The following IL16 variants were observed in gnomAD, a reference collection of about 807,000 sequenced individuals.
IL16 encodes pro-interleukin-16.
Under a neutral mutation model 110.1 loss-of-function variants are expected in IL16, and 67 were observed. The observed-to-expected ratio is 0.61, with a 90% confidence interval of 0.50 to 0.75. The LOEUF (loss-of-function observed/expected upper bound fraction) is 0.75. IL16 is among the 30% of genes least tolerant of loss of function. The probability of loss-of-function intolerance (pLI) is 0.00; values close to 1 mark genes in which losing one functional copy is unlikely to be tolerated. For missense variants in IL16, 1,545 were observed against 1,655.0 expected, an observed-to-expected ratio of 0.93 and a Z score of 1.15; for synonymous variants, 689 against 662.9, an observed-to-expected ratio of 1.04 and a Z score of -0.61.
chr15:81,216,334 A>C (rs1338211221), intron 1 of IL16, among the ~76,000 whole-genome samples: 1 of 152,156 alleles, frequency 6.6e-6, no homozygotes, highest in Admixed American at 6.5e-5. Flanking sequence ...AGAGTGAGGC[A>C]TCCTTCAGTT....
chr15:81,187,129 C>G (rs189207784), intron 1 of IL16, among the ~76,000 whole-genome samples: 179 of 152,284 alleles, frequency 1.2e-3, no homozygotes, highest in African/African-American at 3.9e-3. Flanking sequence ...CACTGGCGAA[C>G]CTTCCAGGGT....
At chr15:81,206,801 T>C (rs540085582) in intron 1 of IL16, among the ~76,000 whole-genome samples, 24 of 152,260 alleles carry the variant, frequency 1.6e-4, no homozygotes, top group African/African-American at 5.5e-4. Context: ...ATTTAGAATA[T>C]TGTATTTCAC....
chr15:81,302,939 C>A (rs1567046847), intron 15 of IL16, among the ~76,000 whole-genome samples: 1 of 152,130 alleles, frequency 6.6e-6, no homozygotes. Context: ...GACCCCTGCT[C>A]TAGACTGGAA....
intron 1 of IL16, among the ~76,000 whole-genome samples, chr15:81,222,391 T>TAA (rs550651858): frequency 2.0e-5 from 3 of 149,062 alleles, no homozygotes; most frequent in Admixed American, 1.3e-4. Flanking sequence ...TTTTTTTTTT[T>TAA]AAGCAAAAAG....
intron 2 of IL16, among the ~76,000 whole-genome samples, chr15:81,250,000 T>A (rs1368038391): frequency 6.6e-6 from 1 of 152,228 alleles, no homozygotes; most frequent in Non-Finnish European, 1.5e-5. Flanking sequence ...GTGCTTCTTT[T>A]TCAAGTTGGC....
Position 81,309,718 on chromosome 15 carries a change from CAGAA to C in IL16, c.*921_*924del, listed in dbSNP as rs1900755442. ...CTCAAAGCGTGGACAGGTGTGCCGACAGAAGGAACCAGCGTGTATATGAGGGTAT... is the reference window on the plus strand; with the variant it reads ...CTCAAAGCGTGGACAGGTGTGCCGACGGAACCAGCGTGTATATGAGGGTAT... On this transcript the variant is annotated 3_prime_UTR_variant, in exon 19 of 19. Transcript: ENST00000683961. The C allele has an allele frequency of 1.3e-5, 2 of 152,318 alleles. No individual in the cohort carries two copies. The highest frequency in any genetic ancestry group is 4.8e-5 in the African/African-American group (2 of 41,558). The allele number at this position is 152,318 out of a possible 1,614,324, so 9.4% of individuals were successfully genotyped here.
intron 5 of IL16, among the ~76,000 whole-genome samples, chr15:81,271,564 G>A (rs751566272): frequency 3.3e-5 from 5 of 152,154 alleles, no homozygotes; most frequent in Non-Finnish European, 7.4e-5. Flanking sequence ...CTTGGTTAGT[G>A]AGGAGCCGAA....
intron 2 of IL16, among the ~76,000 whole-genome samples, chr15:81,243,485 A>C (rs1481763567): frequency 6.6e-6 from 1 of 151,948 alleles, no homozygotes; most frequent in Non-Finnish European, 1.5e-5. Flanking sequence ...ATGTCTGGCC[A>C]TGCATCTATA....
At chr15:81,199,699 A>G (rs1325418471) in intron 1 of IL16, among the ~76,000 whole-genome samples, 1 of 152,196 alleles carries the variant, frequency 6.6e-6, no homozygotes, top group Non-Finnish European at 1.5e-5. Flanking sequence ...GGCTCCCCTG[A>G]GAACTTGGAT....
chr15:81,236,007 A>T (rs1318600435), intron 2 of IL16, among the ~76,000 whole-genome samples: 1 of 152,222 alleles, frequency 6.6e-6, no homozygotes, highest in Non-Finnish European at 1.5e-5. Context: ...TGCCCTCCTA[A>T]AAAGATGTGA....
rs537866391 is a variant in IL16, at chr15:81,279,604, C to T, written c.911C>T (p.Thr304Met). 3.0e-5 allele frequency: 48 copies of T among 1,613,998 alleles called. No individual in the cohort carries two copies. In the African/African-American group the frequency reaches 3.2e-4, roughly 11 times the overall value. The part of the protein sequence containing the change: ...LLTLTVRTRL[T>M]APPSLCSHLS... ...ACCCTCACCGTGAGAACCCGCCTGA[C>T]GGCGCCTCCTTCCCTGTGCAGCCAC... Residue 304 changes from threonine to methionine, a missense_variant, in exon 8 of 19, where the codon ACG (threonine) becomes ATG (methionine). Around this residue, in one of 3 missense-constraint regions of IL16, gnomAD observed 1,185 missense variants for 1,238.8 expected, o/e 0.96. Coordinates refer to ENST00000683961, the MANE Select transcript of IL16 (RefSeq NM_172217.5).
intron 3 of IL16, among the ~76,000 whole-genome samples, chr15:81,265,166 C>T (rs1452389303): frequency 6.6e-6 from 1 of 152,136 alleles, no homozygotes; most frequent in African/African-American, 2.4e-5. Flanking sequence ...GAGTTGTCTC[C>T]GTGTGTGTGT....
At chr15:81,199,034 TA>T (rs1321941098) in intron 1 of IL16, among the ~76,000 whole-genome samples, 1,789 of 123,908 alleles carry the variant, frequency 0.014, 48 homozygotes, top group African/African-American at 0.052. Flanking sequence ...AAAAAAAATA[TA>T]TATATATATA....
upstream of IL16, among the ~76,000 whole-genome samples, chr15:81,196,041 CAG>C (rs1396834096): frequency 6.6e-6 from 1 of 152,164 alleles, no homozygotes; most frequent in Non-Finnish European, 1.5e-5. Flanking sequence ...TTTGTGAAAA[CAG>C]AGTGCCAGAG....
chr15:81,275,894 G>C (rs1388040719), intron 6 of IL16, among the ~76,000 whole-genome samples: 3 of 152,172 alleles, frequency 2.0e-5, no homozygotes, highest in African/African-American at 7.2e-5. Context: ...AGAAACTATT[G>C]TGTAAGATTT....
chr15:81,191,768 A>G (rs1895500933), intron 1 of IL16, among the ~76,000 whole-genome samples: 1 of 152,180 alleles, frequency 6.6e-6, no homozygotes, highest in Non-Finnish European at 1.5e-5. Context: ...CTGTAAGAGA[A>G]AACAGCTAGG....
chr15:81,196,735 G>C (rs542381874), upstream of IL16: 11 of 657,088 alleles, frequency 1.7e-5, no homozygotes, highest in South Asian at 3.8e-4. Flanking sequence ...GGGTGTTGCC[G>C]GCCAGCCCAG....
intron 3 of IL16, among the ~76,000 whole-genome samples, chr15:81,261,155 T>C (rs1036004102): frequency 1.3e-5 from 2 of 152,380 alleles, no homozygotes; most frequent in African/African-American, 4.8e-5. Flanking sequence ...AGACCAGCTA[T>C]ACAATTGGTA....
intron 1 of IL16, among the ~76,000 whole-genome samples, chr15:81,217,242 C>T (rs532994988): frequency 1.3e-5 from 2 of 152,156 alleles, no homozygotes; most frequent in Middle Eastern, 3.4e-3. Context: ...AGAGCATATG[C>T]ACAGATTTTA....
Sources: gnomAD v4.1 joint callset for allele counts (sites outside exome capture counted in the v4.1 genomes callset) on GRCh38, gnomAD v4.1.1 for gene constraint, gnomAD v4.1.1 regional missense constraint, MANE v1.5 for transcripts, NCBI Gene and HGNC (gene_info 2026-07-23, HGNC 2026-07-21) for gene names.